The following GRIP1 variants were observed in gnomAD, a reference collection of about 807,000 sequenced individuals.
GRIP1 encodes the protein glutamate receptor interacting protein 1.
A neutral mutation model predicts 129.9 loss-of-function variants in GRIP1; 45 were observed. The ratio of observed to expected loss-of-function variants is 0.35; its 90% CI spans 0.27 to 0.44. The LOEUF is 0.44. Ranked by LOEUF, GRIP1 falls within the 20% of genes least tolerant of loss-of-function variation. The probability of loss-of-function intolerance (pLI) is 1.00; values close to 1 mark genes in which losing one functional copy is unlikely to be tolerated. For missense variants in GRIP1, 1,196 were observed against 1,396.8 expected (o/e 0.86, Z 2.29); for synonymous variants, 530 against 520.8 (o/e 1.02, Z -0.24).
intron 19 of GRIP1, among the ~76,000 whole-genome samples, chr12:66,385,123 A>G (rs980105669): frequency 2.6e-5 from 4 of 152,272 alleles, no homozygotes; most frequent in African/African-American, 9.6e-5. Context: ...TTTGTTGTTG[A>G]ATGATGGTGT....
intron 1 of GRIP1, among the ~76,000 whole-genome samples, chr12:66,827,368 G>GTA (rs1467570839): frequency 6.4e-5 from 6 of 93,430 alleles, no homozygotes; most frequent in African/African-American, 2.9e-4. Context: ...AACCAGGTGT[G>GTA]TGTGTGTGTG....
rs150524134 is a variant in GRIP1 at position 66,944,354 on chromosome 12, C to T, written c.58+124696G>A. 3.1e-3 allele frequency among the ~76,000 whole-genome samples: 473 copies of T among 152,258 alleles called. 2 individuals are homozygous for T. Among genetic ancestry groups the T allele is most frequent in the African/African-American group, 0.011 (446 of 41,530 alleles). ...TGATCCTGAGGCTGCTACAAAAAGT[C>T]TATCTTTTCAGTGTAAAAGGCTATA... is the stretch of plus-strand genomic sequence containing the variant. On this transcript the variant is annotated intron_variant, in intron 1 of 1. Transcript: ENST00000643019.
intron 9 of GRIP1, among the ~76,000 whole-genome samples, chr12:66,457,248 G>T (rs2058995237): frequency 6.6e-6 from 1 of 151,986 alleles, no homozygotes; most frequent in Admixed American, 6.5e-5. Flanking sequence ...TAATCTTAAA[G>T]AACTCAAAAT....
At chr12:66,565,418 A>C (rs1246400806) in intron 2 of GRIP1, among the ~76,000 whole-genome samples, 1 of 152,166 alleles carries the variant, frequency 6.6e-6, no homozygotes. Flanking sequence ...AGGTTTGTCA[A>C]AGATTAGATG....
chr12:66,681,366 C>T (rs1368250812), upstream of GRIP1, among the ~76,000 whole-genome samples: 2 of 152,134 alleles, frequency 1.3e-5, no homozygotes, highest in African/African-American at 4.8e-5. Context: ...GCAAGCTTAG[C>T]CTCCCATCCT....
At chr12:66,840,507 A>G (rs1296258914) in intron 1 of GRIP1, among the ~76,000 whole-genome samples, 1 of 152,192 alleles carries the variant, frequency 6.6e-6, no homozygotes, top group Non-Finnish European at 1.5e-5. Context: ...CAACGACAGT[A>G]AGGGCTGCAC....
rs1313105304 is a variant in GRIP1 at position 66,723,283 on chromosome 12, CCTTTCTTT to C, written c.-420+80762_-420+80769del. 2.0e-3 allele frequency among the ~76,000 whole-genome samples: 60 copies of C among 29,636 alleles called. 5 individuals carry two copies. Among genetic ancestry groups the C allele is most frequent in the East Asian group, 5.3e-3 (3 of 566 alleles). The allele number at this position is 29,636 out of a possible 152,430, so 19.4% of individuals were successfully genotyped here. ...TCCTTCCTTCCTTCCTTCCTTCCTT[CCTTTCTTT>C]CTTTCTTTCTTTCTTTTTTTTTTTT... On this transcript the variant is annotated intron_variant, in intron 1 of 4. Transcript: ENST00000538373.
chr12:66,761,191 C>G (rs1288536230), intron 1 of GRIP1, among the ~76,000 whole-genome samples: 1 of 151,938 alleles, frequency 6.6e-6, no homozygotes, highest in Non-Finnish European at 1.5e-5. Flanking sequence ...CTTGCCTTTC[C>G]TCTATCCCAA....
chr12:66,830,390 G>A (rs2039494978), intron 1 of GRIP1, among the ~76,000 whole-genome samples: 1 of 152,120 alleles, frequency 6.6e-6, no homozygotes, highest in Non-Finnish European at 1.5e-5. Flanking sequence ...GTTAAGAGAT[G>A]TGACCATGGA....
chr12:66,947,077 C>T (rs887226906), intron 1 of GRIP1, among the ~76,000 whole-genome samples: 2 of 151,980 alleles, frequency 1.3e-5, no homozygotes, highest in Non-Finnish European at 2.9e-5. Flanking sequence ...CAGAAGTTCT[C>T]ATCCCCATAT....
At chr12:66,492,134 G>C (rs1349250850) in intron 7 of GRIP1, among the ~76,000 whole-genome samples, 2 of 151,814 alleles carry the variant, frequency 1.3e-5, no homozygotes, top group African/African-American at 2.4e-5. Context: ...AAATGCTCTG[G>C]CATCTTGTGC....
intron 1 of GRIP1, among the ~76,000 whole-genome samples, chr12:66,834,642 T>C (rs1014873850): frequency 1.3e-5 from 2 of 152,234 alleles, no homozygotes; most frequent in African/African-American, 4.8e-5. Flanking sequence ...GCCTGAGGTT[T>C]GCCAATGACT....
At chr12:66,933,250 T>C (rs1443256693) in intron 1 of GRIP1, among the ~76,000 whole-genome samples, 2 of 152,212 alleles carry the variant, frequency 1.3e-5, no homozygotes, top group South Asian at 4.1e-4. Flanking sequence ...ACTAAGTATG[T>C]ACCTCTTCCC....
At chr12:66,453,898 G>A (rs1199633692) in intron 11 of GRIP1, among the ~76,000 whole-genome samples, 1 of 152,174 alleles carries the variant, frequency 6.6e-6, no homozygotes, top group Non-Finnish European at 1.5e-5. Context: ...CATTCAACTA[G>A]TTTCTTCCAA....
At chr12:66,356,488 G>C (rs2054495186) in intron 23 of GRIP1, among the ~76,000 whole-genome samples, 1 of 152,092 alleles carries the variant, frequency 6.6e-6, no homozygotes, top group Non-Finnish European at 1.5e-5. Flanking sequence ...GGCCAGATAG[G>C]AGATTTCTGC....
intron 7 of GRIP1, among the ~76,000 whole-genome samples, chr12:66,504,805 T>C (rs1302752722): frequency 6.6e-6 from 1 of 152,218 alleles, no homozygotes; most frequent in East Asian, 1.9e-4. Flanking sequence ...ATATGGAGAT[T>C]AGAAAAAATC....
At chr12:66,982,538 T>C (rs2042253820) in intron 1 of GRIP1, among the ~76,000 whole-genome samples, 1 of 152,220 alleles carries the variant, frequency 6.6e-6, no homozygotes, top group Non-Finnish European at 1.5e-5. Flanking sequence ...GGAAATCATC[T>C]ACCATGTTAT....
intron 2 of GRIP1, among the ~76,000 whole-genome samples, chr12:66,556,996 T>A (rs1370231428): frequency 6.6e-6 from 1 of 151,918 alleles, no homozygotes; most frequent in African/African-American, 2.4e-5. Context: ...TAACATTGAA[T>A]GTAAATGGAC....
intron 1 of GRIP1, among the ~76,000 whole-genome samples, chr12:67,048,687 C>G (rs992214724): frequency 2.6e-5 from 4 of 152,086 alleles, no homozygotes; most frequent in Non-Finnish European, 5.9e-5. Flanking sequence ...GGGAGAAACC[C>G]GAAGGCAGGT....
Sources: allele counts gnomAD v4.1 joint callset (sites outside exome capture counted in the v4.1 genomes callset), GRCh38; gene constraint gnomAD v4.1.1; transcripts MANE v1.5; gene names NCBI Gene and HGNC (gene_info 2026-07-23, HGNC 2026-07-21).